Variants in CDK14 observed in about 807,000 individuals in gnomAD.
The protein encoded by CDK14 is cyclin-dependent kinase 14.
CDK14 carries 34 observed loss-of-function variants against 60.7 expected under a neutral mutation model. The ratio of observed to expected loss-of-function variants is 0.56; its 90% CI spans 0.43 to 0.75. The LOEUF is 0.75. Among genes scored for constraint, CDK14 ranks in the 30% least tolerant of loss-of-function variants. The probability of loss-of-function intolerance (pLI) is 0.00; values close to 1 mark genes in which losing one functional copy is unlikely to be tolerated. For missense variants in CDK14, 482 were observed against 564.1 expected, an observed-to-expected ratio of 0.85 and a Z score of 1.47; for synonymous variants, 197 against 203.7, an observed-to-expected ratio of 0.97 and a Z score of 0.28.
At chr7:90,663,803 A>G (rs1403308783) in intron 2 of CDK14, among the ~76,000 whole-genome samples, 1 of 152,232 alleles carries the variant, frequency 6.6e-6, no homozygotes, top group East Asian at 1.9e-4. Flanking sequence ...AGTGAAAATT[A>G]ATTACACTAT....
At chr7:90,921,953 A>G (rs1036972582) in intron 8 of CDK14, among the ~76,000 whole-genome samples, 2 of 152,320 alleles carry the variant, frequency 1.3e-5, no homozygotes, top group African/African-American at 2.4e-5. Flanking sequence ...TGTAGAGGAC[A>G]TGGTAAGTTC....
chr7:91,028,883 C>A (rs1796679484), intron 10 of CDK14, among the ~76,000 whole-genome samples: 1 of 152,018 alleles, frequency 6.6e-6, no homozygotes. Flanking sequence ...TATTTTCTCC[C>A]ATTCCGTAGG....
chr7:90,762,174 G>A (rs1275615651), intron 4 of CDK14, among the ~76,000 whole-genome samples: 3 of 152,182 alleles, frequency 2.0e-5, no homozygotes, highest in African/African-American at 7.2e-5. Context: ...TCACCAGGCA[G>A]GTAAAGAGCA....
At chr7:91,039,326 A>G (rs1420899172) in intron 10 of CDK14, among the ~76,000 whole-genome samples, 1 of 152,184 alleles carries the variant, frequency 6.6e-6, no homozygotes, top group Non-Finnish European at 1.5e-5. Context: ...AAAATCGTTT[A>G]TCTTCTACAC....
rs143870886 is a variant in CDK14, at chr7:90,904,837, G to T, written c.702+5484G>T. ...AAAAGGAAACAGGTTTACTCCACGG[G>T]ATCAAGAATTACAATGGCGTCAGAT... On this transcript the variant is annotated intron_variant, in intron 7 of 14. Transcript: ENST00000380050. Among the ~76,000 whole-genome samples, 244 of 152,260 alleles carry T rather than the reference G, an allele frequency of 1.6e-3. 1 individual carries two copies. Among genetic ancestry groups the T allele is most frequent in the Middle Eastern group, 3.4e-3 (1 of 294 alleles).
chr7:90,999,476 C>T (rs1204263340), intron 10 of CDK14, among the ~76,000 whole-genome samples: 1 of 151,564 alleles, frequency 6.6e-6, no homozygotes, highest in African/African-American at 2.4e-5. Context: ...GTAGTCCTAG[C>T]TACTTGGGAG....
At chr7:90,815,220 T>TAA (rs1389307935) in intron 5 of CDK14, among the ~76,000 whole-genome samples, 2 of 152,208 alleles carry the variant, frequency 1.3e-5, no homozygotes, top group Non-Finnish European at 2.9e-5. Flanking sequence ...ACTCTTTTCC[T>TAA]ATTGCCATCA....
rs191534303 is a variant in CDK14, at chr7:90,696,557, C to T, written c.124-30010C>T. On this transcript the variant is annotated intron_variant, in intron 2 of 14. Coordinates refer to ENST00000380050, the MANE Select transcript of CDK14 (RefSeq NM_001287135.2). ...GTCAAACTCCTGGCCTCAAGTGATC[C>T]GCCCACCTCAGCCGTTTTGTACAGC... 4.0e-3 allele frequency among the ~76,000 whole-genome samples: 612 copies of T among 152,052 alleles called. 2 individuals are homozygous for T. Among genetic ancestry groups the T allele is most frequent in the Non-Finnish European group, 6.7e-3 (456 of 67,972 alleles).
chr7:90,818,841 C>T (rs1193964479), intron 5 of CDK14, among the ~76,000 whole-genome samples: 23 of 151,488 alleles, frequency 1.5e-4, no homozygotes, highest in Admixed American at 1.5e-3. Context: ...CCACAAAGAG[C>T]AAATGACCAA....
chr7:90,851,359 ATG>A (rs765168397), intron 5 of CDK14, among the ~76,000 whole-genome samples: 1 of 152,094 alleles, frequency 6.6e-6, no homozygotes, highest in Non-Finnish European at 1.5e-5. Context: ...GTGTGTATGA[ATG>A]TGTGTGTGGG....
chr7:91,094,864 C>T (rs1389263245), intron 12 of CDK14, among the ~76,000 whole-genome samples: 1 of 152,190 alleles, frequency 6.6e-6, no homozygotes, highest in Non-Finnish European at 1.5e-5. Context: ...ACATCCACAA[C>T]CCACTTCTTC....
rs924521794 is a variant in CDK14 at position 90,604,813 on chromosome 7, G to C, written c.123+564G>C. Among the ~76,000 whole-genome samples, 27 of 152,304 alleles carry C rather than the reference G, an allele frequency of 1.8e-4. 1 individual carries two copies. The highest frequency in any genetic ancestry group is 6.5e-4 in the African/African-American group (27 of 41,564). On this transcript the variant is annotated intron_variant, in intron 2 of 14. Coordinates refer to ENST00000380050, the MANE Select transcript of CDK14 (RefSeq NM_001287135.2). ...TTCATATGTAATTAAATAGCATCCT[G>C]AATGTGATTTTAAAATTGCAGTCAT...
Position 91,028,838 on chromosome 7 carries a change from GATA to G in CDK14, c.1042-17058_1042-17056del, listed in dbSNP as rs566860071. ...TTGTTGGAGTTTCTTACAGATTCTG[GATA>G]TTAGTCCTTTGTTGGATGTATAGTT... is the stretch of plus-strand genomic sequence containing the variant. On this transcript the variant is annotated intron_variant, in intron 10 of 14. Coordinates refer to ENST00000380050, the MANE Select transcript of CDK14 (RefSeq NM_001287135.2). Among the ~76,000 whole-genome samples, 4 of 152,050 alleles carry G rather than the reference GATA, an allele frequency of 2.6e-5. No homozygotes were observed. In the South Asian group the frequency reaches 8.3e-4, roughly 32 times the overall value.
chr7:91,002,990 T>A (rs1230333225), intron 10 of CDK14, among the ~76,000 whole-genome samples: 1 of 152,068 alleles, frequency 6.6e-6, no homozygotes, highest in Non-Finnish European at 1.5e-5. Context: ...GAGAATGGCA[T>A]GCACCTGGGA....
intron 12 of CDK14, among the ~76,000 whole-genome samples, chr7:91,092,110 A>G (rs1159491666): frequency 6.6e-6 from 1 of 152,214 alleles, no homozygotes; most frequent in Non-Finnish European, 1.5e-5. Context: ...AGCTCTAGCA[A>G]TCATGCCAAT....
chr7:90,614,431 G>A (rs183853857), intron 2 of CDK14, among the ~76,000 whole-genome samples: 23 of 95,508 alleles, frequency 2.4e-4, no homozygotes, highest in Non-Finnish European at 3.2e-4. Context: ...TCTCATCAGC[G>A]TCTTAAAGGA....
In CDK14 at chr7:90,680,630, A is replaced by G. The variant is rs1046089224; in HGVS notation, c.124-45937A>G. Among the ~76,000 whole-genome samples the G allele has an allele frequency of 2.6e-5, 4 of 152,248 alleles. No homozygotes were observed. The East Asian group carries it at 7.7e-4, about 29-fold the overall frequency. On this transcript the variant is annotated intron_variant, in intron 2 of 14. Transcript: ENST00000380050. Reference sequence around the variant, plus strand: ...CTGCAGGCTCTTCATAACTTAAGGCAGTGAATAGAGTTGCATGTCTCGTTG... The same window carrying G: ...CTGCAGGCTCTTCATAACTTAAGGCGGTGAATAGAGTTGCATGTCTCGTTG...
rs185938126 is a variant in CDK14 at position 90,785,929 on chromosome 7, G to C, written c.465-4644G>C. ...GATTTGGATTTGTGCTTTGTGCTTA[G>C]AAACAGTTTGAAAGTTGGATCCCCT... On this transcript the variant is annotated intron_variant, in intron 4 of 14. Coordinates refer to ENST00000380050, the MANE Select transcript of CDK14 (RefSeq NM_001287135.2). Among the ~76,000 whole-genome samples, 208 of 152,236 alleles carry C rather than the reference G, an allele frequency of 1.4e-3. 1 individual carries two copies. Among genetic ancestry groups the C allele is most frequent in the African/African-American group, 4.7e-3 (194 of 41,540 alleles).
chr7:90,725,894 A>G (rs759761304), intron 2 of CDK14, among the ~76,000 whole-genome samples: 48 of 152,138 alleles, frequency 3.2e-4, no homozygotes, highest in Non-Finnish European at 6.5e-4. Flanking sequence ...GTCTAGTGGA[A>G]TAATGTAAAC....
Sources: allele counts gnomAD v4.1 joint callset (sites outside exome capture counted in the v4.1 genomes callset), GRCh38; gene constraint gnomAD v4.1.1; transcripts MANE v1.5; gene names NCBI Gene and HGNC (gene_info 2026-07-23, HGNC 2026-07-21).